The following CSMD1 variants were observed in gnomAD, a reference collection of about 807,000 sequenced individuals.
CSMD1 encodes the protein CUB and sushi domain-containing protein 1.
A neutral mutation model predicts 417.5 loss-of-function variants in CSMD1; 213 were observed. The ratio of observed to expected loss-of-function variants is 0.51; its 90% CI spans 0.46 to 0.57. The LOEUF is 0.57. Ranked by LOEUF, CSMD1 falls within the 20% of genes least tolerant of loss-of-function variation. CSMD1 has a pLI of 0.00. For synonymous variants in CSMD1, 2,862 were observed against 1,736.8 expected (o/e 1.65, Z -16.11); for missense variants, 6,923 against 4,529.7 (o/e 1.53, Z -15.17).
At chr8:3,354,435 A>G (rs1808607653) in intron 21 of CSMD1, among the ~76,000 whole-genome samples, 1 of 142,780 alleles carries the variant, frequency 7.0e-6, no homozygotes, top group Non-Finnish European at 1.5e-5. Context: ...GCACAGAAAT[A>G]GAAAACAGCT....
At chr8:3,758,126 G>C (rs1281367725) in intron 5 of CSMD1, among the ~76,000 whole-genome samples, 1 of 151,976 alleles carries the variant, frequency 6.6e-6, no homozygotes, top group Non-Finnish European at 1.5e-5. Flanking sequence ...ACCACACCTG[G>C]CTAATTTTTG....
At chr8:4,061,505 G>A (rs1798971775) in intron 3 of CSMD1, among the ~76,000 whole-genome samples, 1 of 152,308 alleles carries the variant, frequency 6.6e-6, no homozygotes, top group South Asian at 2.1e-4. Flanking sequence ...AAACTGTAAA[G>A]TAAGTAGGGA....
intron 52 of CSMD1, among the ~76,000 whole-genome samples, chr8:3,011,978 C>A (rs746565182): frequency 6.6e-6 from 1 of 152,186 alleles, no homozygotes; most frequent in Non-Finnish European, 1.5e-5. Context: ...GGTCAGCATT[C>A]TCAGTGCTTA....
chr8:3,722,112 G>A (rs1469294324), intron 6 of CSMD1, among the ~76,000 whole-genome samples: 2 of 152,152 alleles, frequency 1.3e-5, no homozygotes, highest in African/African-American at 2.4e-5. Context: ...GGAGGCCGAG[G>A]CAGGTGGATC....
At chr8:3,639,463 T>G (rs906771620) in intron 7 of CSMD1, among the ~76,000 whole-genome samples, 1 of 152,178 alleles carries the variant, frequency 6.6e-6, no homozygotes, top group Non-Finnish European at 1.5e-5. Flanking sequence ...ATGACCTGAA[T>G]TGTCTAACTG....
At chr8:4,636,529 G>C (rs1200901169) in intron 2 of CSMD1, among the ~76,000 whole-genome samples, 1 of 152,038 alleles carries the variant, frequency 6.6e-6, no homozygotes, top group Non-Finnish European at 1.5e-5. Context: ...GGTTCATTTT[G>C]TTCTGATTAG....
intron 7 of CSMD1, among the ~76,000 whole-genome samples, chr8:3,642,468 A>G (rs976839603): frequency 1.3e-5 from 2 of 152,192 alleles, no homozygotes; most frequent in African/African-American, 4.8e-5. Flanking sequence ...GATATTCCCA[A>G]GTAGTGACCC....
intron 3 of CSMD1, among the ~76,000 whole-genome samples, chr8:4,412,558 T>C (rs1585035799): frequency 6.6e-6 from 1 of 152,168 alleles, no homozygotes; most frequent in East Asian, 1.9e-4. Context: ...TATTTCTTTA[T>C]ACTAATACAA....
chr8:4,220,007 T>C (rs1800930790), intron 3 of CSMD1, among the ~76,000 whole-genome samples: 1 of 152,078 alleles, frequency 6.6e-6, no homozygotes, highest in Non-Finnish European at 1.5e-5. Flanking sequence ...TGGAGTGCAG[T>C]GGTGCGATCT....
At chr8:4,039,134 C>G (rs574355913) in intron 3 of CSMD1, among the ~76,000 whole-genome samples, 36 of 152,318 alleles carry the variant, frequency 2.4e-4, no homozygotes, top group African/African-American at 8.2e-4. Context: ...GCAACGGCAG[C>G]ATTTTCAACA....
intron 7 of CSMD1, among the ~76,000 whole-genome samples, chr8:3,673,259 G>C (rs1799177678): frequency 6.6e-6 from 1 of 152,132 alleles, no homozygotes; most frequent in African/African-American, 2.4e-5. Context: ...TTGAACACAT[G>C]CTCTTTGTCC....
At chr8:4,342,742 C>A (rs376257805) in intron 3 of CSMD1, among the ~76,000 whole-genome samples, 1 of 152,150 alleles carries the variant, frequency 6.6e-6, no homozygotes, top group Admixed American at 6.6e-5. Context: ...AGTAGACAGG[C>A]TTGCAGAAGA....
At chr8:4,730,540 A>C (rs1254765171) in intron 1 of CSMD1, among the ~76,000 whole-genome samples, 1 of 152,084 alleles carries the variant, frequency 6.6e-6, no homozygotes, top group Admixed American at 6.5e-5. Flanking sequence ...GGAGATGGAG[A>C]CCATCCTGGC....
chr8:4,624,021 A>G (rs1402722312), intron 2 of CSMD1, among the ~76,000 whole-genome samples: 1 of 152,130 alleles, frequency 6.6e-6, no homozygotes, highest in Non-Finnish European at 1.5e-5. Flanking sequence ...AATTGTAACT[A>G]AAGGACTCAT....
chr8:3,362,004 G>C (rs375825191), intron 20 of CSMD1, among the ~76,000 whole-genome samples: 1 of 152,130 alleles, frequency 6.6e-6, no homozygotes, highest in South Asian at 2.1e-4. Flanking sequence ...CAAGAAAAGT[G>C]TATTGCCTTC....
intron 1 of CSMD1, among the ~76,000 whole-genome samples, chr8:4,968,807 C>T (rs1810049875): frequency 6.6e-6 from 1 of 152,114 alleles, no homozygotes; most frequent in African/African-American, 2.4e-5. Flanking sequence ...CTGGCAGTTG[C>T]ATCTCTTCTG....
At chr8:4,146,657 G>C (rs1052487066) in intron 3 of CSMD1, among the ~76,000 whole-genome samples, 1 of 121,760 alleles carries the variant, frequency 8.2e-6, no homozygotes, top group Admixed American at 1.1e-4. Flanking sequence ...CGTCCCCCAG[G>C]CTGGAGCGCA....
At chr8:3,972,094 T>C (rs917042728) in intron 5 of CSMD1, among the ~76,000 whole-genome samples, 1 of 152,072 alleles carries the variant, frequency 6.6e-6, no homozygotes, top group African/African-American at 2.4e-5. Context: ...TGATCCTGAC[T>C]TCCTGGGCTC....
At chr8:4,817,599 C>CAAAATTCA (rs1799279852) in intron 1 of CSMD1, among the ~76,000 whole-genome samples, 3 of 152,158 alleles carry the variant, frequency 2.0e-5, no homozygotes, top group Admixed American at 2.0e-4. Flanking sequence ...CTCATGCAAT[C>CAAAATTCA]AAAATACAAT....
Sources: allele counts gnomAD v4.1 joint callset (sites outside exome capture counted in the v4.1 genomes callset), GRCh38; gene constraint gnomAD v4.1.1; transcripts MANE v1.5; gene names NCBI Gene and HGNC (gene_info 2026-07-23, HGNC 2026-07-21).